The following FGGY variants were observed in gnomAD, a reference collection of about 807,000 sequenced individuals.
FGGY encodes the protein FGGY carbohydrate kinase domain-containing protein.
In FGGY, 72 loss-of-function variants were observed where a neutral mutation model predicts 71.3. That is an observed-to-expected ratio of 1.01 (90% CI 0.84 to 1.23). The LOEUF is 1.23. Among genes scored for constraint, FGGY ranks in the 50% most tolerant of loss-of-function variants. FGGY has a pLI of 0.00. For synonymous variants in FGGY, 251 were observed against 250.3 expected, an observed-to-expected ratio of 1.00 and a Z score of -0.02; for missense variants, 668 against 682.3, an observed-to-expected ratio of 0.98 and a Z score of 0.23.
At chr1:59,299,477 T>C (rs903117558) in intron 1 of FGGY, among the ~76,000 whole-genome samples, 2 of 152,130 alleles carry the variant, frequency 1.3e-5, no homozygotes, top group Non-Finnish European at 2.9e-5. Context: ...AGAGAGGTAA[T>C]TGTAGTAATA....
rs78634464 is a variant in FGGY, at chr1:59,410,163, C to G, written c.554+31326C>G. ...TTCATGCTCTGTTGCAATCTCATTT[C>G]ATTTCTAGCATTATAGGTATTTAAA... is the stretch of plus-strand genomic sequence containing the variant. On this transcript the variant is annotated intron_variant, in intron 5 of 15. Coordinates refer to ENST00000303721, the MANE Select transcript of FGGY (RefSeq NM_018291.5). 2.6e-3 allele frequency among the ~76,000 whole-genome samples: 391 copies of G among 152,314 alleles called. 2 individuals are homozygous for G. Among genetic ancestry groups the G allele is most frequent in the African/African-American group, 9.1e-3 (379 of 41,568 alleles).
chr1:59,308,814 A>AC (rs1246944481), intron 1 of FGGY, among the ~76,000 whole-genome samples: 1 of 152,236 alleles, frequency 6.6e-6, no homozygotes, highest in African/African-American at 2.4e-5. Flanking sequence ...TCTTTATTAA[A>AC]AAATAATACA....
chr1:59,415,029 G>C (rs561751475), intron 5 of FGGY, among the ~76,000 whole-genome samples: 1 of 152,240 alleles, frequency 6.6e-6, no homozygotes, highest in Admixed American at 6.5e-5. Context: ...GAGTGAGGTG[G>C]TGGTGGTAGT....
intron 5 of FGGY, among the ~76,000 whole-genome samples, chr1:59,415,527 A>T (rs1557852094): frequency 6.6e-6 from 1 of 152,224 alleles, no homozygotes; most frequent in Non-Finnish European, 1.5e-5. Flanking sequence ...CTATGGACAG[A>T]CTAGAGTGAA....
chr1:59,519,018 T>C (rs940404081), intron 7 of FGGY, among the ~76,000 whole-genome samples: 3 of 152,224 alleles, frequency 2.0e-5, no homozygotes, highest in Non-Finnish European at 4.4e-5. Flanking sequence ...AACTCAAGAA[T>C]AGATATTTAT....
In FGGY at chr1:59,561,680, A is replaced by T. The variant is rs541481795; in HGVS notation, c.903+7453A>T. Among the ~76,000 whole-genome samples the T allele has an allele frequency of 1.1e-4, 16 of 152,254 alleles. 1 individual carries two copies. Among genetic ancestry groups the T allele is most frequent in the Non-Finnish European group, 1.6e-4 (11 of 68,006 alleles). The stretch of plus-strand genomic sequence containing the variant: ...ATGTAAATAGCTCAACAATCCTACC[A>T]AGTAGGCACCATACTGTCCCTCATT... On this transcript the variant is annotated intron_variant, in intron 8 of 15. Transcript: ENST00000303721.
intron 9 of FGGY, among the ~76,000 whole-genome samples, chr1:59,621,496 T>TGTCTTACA (rs1237226510): frequency 6.8e-6 from 1 of 146,530 alleles, no homozygotes; most frequent in Non-Finnish European, 1.5e-5. Flanking sequence ...TGTCTTAGCA[T>TGTCTTACA]GTCTTACAGT....
chr1:59,718,166 T>C (rs2097858594), intron 14 of FGGY, among the ~76,000 whole-genome samples: 1 of 152,234 alleles, frequency 6.6e-6, no homozygotes, highest in Non-Finnish European at 1.5e-5. Flanking sequence ...TGACTAAAGA[T>C]CAAACAACTA....
intron 5 of FGGY, among the ~76,000 whole-genome samples, chr1:59,424,100 C>T (rs1452186118): frequency 6.6e-6 from 1 of 152,188 alleles, no homozygotes; most frequent in Non-Finnish European, 1.5e-5. Context: ...CCATGATAGG[C>T]CGAGATCTGA....
At chr1:59,359,611 C>T (rs539297965) in intron 4 of FGGY, among the ~76,000 whole-genome samples, 4 of 152,280 alleles carry the variant, frequency 2.6e-5, no homozygotes, top group African/African-American at 9.6e-5. Context: ...CAGCTAAGAC[C>T]TCCCTGGAGG....
intron 7 of FGGY, among the ~76,000 whole-genome samples, chr1:59,520,716 A>G (rs1344197735): frequency 2.0e-5 from 3 of 152,188 alleles, no homozygotes; most frequent in Non-Finnish European, 4.4e-5. Flanking sequence ...ATTGGTAAAT[A>G]TAGGTGAGGG....
chr1:59,385,668 CTAA>C (rs566464579), intron 5 of FGGY, among the ~76,000 whole-genome samples: 78 of 151,420 alleles, frequency 5.2e-4, no homozygotes, highest in African/African-American at 1.8e-3. Context: ...TTTGAGGTGA[CTAA>C]TAATAATAAT....
At chr1:59,461,734 C>A (rs1160708076) in intron 6 of FGGY, among the ~76,000 whole-genome samples, 1 of 152,130 alleles carries the variant, frequency 6.6e-6, no homozygotes, top group Non-Finnish European at 1.5e-5. Context: ...AGAAACTCTA[C>A]CAGCCAGAAG....
At chr1:59,444,962 C>T (rs2070878282) in intron 5 of FGGY, among the ~76,000 whole-genome samples, 1 of 152,138 alleles carries the variant, frequency 6.6e-6, no homozygotes. Context: ...TCCTTTGATA[C>T]CATAAGCTCT....
intron 6 of FGGY, among the ~76,000 whole-genome samples, chr1:59,471,276 C>T (rs1189349893): frequency 6.6e-6 from 1 of 152,198 alleles, no homozygotes; most frequent in African/African-American, 2.4e-5. Context: ...TTCCTTCCCC[C>T]TCTCCTTCCA....
intron 9 of FGGY, among the ~76,000 whole-genome samples, chr1:59,621,848 G>A (rs533700091): frequency 6.6e-6 from 1 of 151,744 alleles, no homozygotes; most frequent in Non-Finnish European, 1.5e-5. Context: ...ACCAAGTTTG[G>A]GAAATTTTCA....
intron 5 of FGGY, among the ~76,000 whole-genome samples, chr1:59,442,334 CTGATGTATTGT>C (rs2070125461): frequency 6.6e-6 from 1 of 152,156 alleles, no homozygotes; most frequent in Non-Finnish European, 1.5e-5. Context: ...TTCTGAAGAG[CTGATGTATTGT>C]TTCTGCTGGT....
intron 6 of FGGY, among the ~76,000 whole-genome samples, chr1:59,499,680 A>G (rs778315171): frequency 6.6e-6 from 1 of 152,178 alleles, no homozygotes; most frequent in Admixed American, 6.5e-5. Flanking sequence ...CATATGTTTG[A>G]GATATTTCTG....
intron 14 of FGGY, among the ~76,000 whole-genome samples, chr1:59,756,446 C>T (rs1414488237): frequency 6.6e-6 from 1 of 152,220 alleles, no homozygotes; most frequent in African/African-American, 2.4e-5. Context: ...ATCAGGTTAC[C>T]TAACCCTTGA....
Sources: allele counts gnomAD v4.1 joint callset (sites outside exome capture counted in the v4.1 genomes callset), GRCh38; gene constraint gnomAD v4.1.1; transcripts MANE v1.5; gene names NCBI Gene and HGNC (gene_info 2026-07-23, HGNC 2026-07-21).